The following IL17C variants were observed in gnomAD, a reference collection of about 807,000 sequenced individuals.
IL17C encodes interleukin 17C.
IL17C carries 13 observed loss-of-function variants against 11.0 expected under a neutral mutation model. The ratio of observed to expected loss-of-function variants is 1.18; its 90% CI spans 0.77 to 1.88. The LOEUF is 1.88. IL17C is among the 40% of genes most tolerant of loss of function. IL17C has a pLI of 0.00. For missense variants in IL17C, 357 were observed against 278.2 expected (o/e 1.28, Z -2.01); for synonymous variants, 150 against 125.8 (o/e 1.19, Z -1.29).
Position 88,639,691 on chromosome 16 carries a change from G to A in IL17C, c.336-123G>A, listed in dbSNP as rs553310093. On this transcript the variant is annotated intron_variant, in intron 2 of 2. Coordinates refer to ENST00000244241, the MANE Select transcript of IL17C (RefSeq NM_013278.4). This position sits in a 1 kb window ranked among gnomAD's most constrained non-coding sequence, Gnocchi z 5.1. ...GTGAGCCCGACTGCACCCCAAGCCC[G>A]TGTGGCTCAGCCCTCGCTGCCTCAG... 7.4e-5 allele frequency: 90 copies of A among 1,220,020 alleles called. No individual in the cohort carries two copies. The highest frequency in any genetic ancestry group is 6.9e-4 in the South Asian group (43 of 62,094). The allele number at this position is 1,220,020 out of a possible 1,614,324, so 75.6% of individuals were successfully genotyped here. A position where few individuals can be genotyped will look rare whatever the true frequency, so the allele number is the denominator to read the frequency against.
In IL17C at chr16:88,640,119, A is replaced by G. The variant is rs1214253465; in HGVS notation, c.*47A>G. 3 of 1,506,274 alleles carry G rather than the reference A, an allele frequency of 2.0e-6. No individual in the cohort carries two copies. The highest frequency in any genetic ancestry group is 2.7e-6 in the Non-Finnish European group (3 of 1,128,172). The allele number at this position is 1,506,274 out of a possible 1,614,324, so 93.3% of individuals were successfully genotyped here. On this transcript the variant is annotated 3_prime_UTR_variant, in exon 3 of 3. Transcript: ENST00000244241. ...TAGACTGGACACGTGTGCTCCCCAG[A>G]GGGCACCCCCTATTTATGTGTATTT...
At chr16:88,638,761 C>T (rs1311440067) in intron 1 of IL17C, 114 bp downstream of exon 1, 15 of 1,525,608 alleles carry the variant, frequency 9.8e-6, no homozygotes, top group South Asian at 2.2e-5. Context: ...GTCTGGGAAA[C>T]CCCTCAGTCT....
Position 88,639,148 on chromosome 16 carries a change from G to T in IL17C, c.174G>T (p.Trp58Cys). 1 of 1,612,936 alleles carries T rather than the reference G, an allele frequency of 6.2e-7. No homozygotes were observed. The highest frequency in any genetic ancestry group is 2.2e-5 in the East Asian group (1 of 44,884). The change falls in exon 2 of 3, where the codon TGG (tryptophan) becomes TGT (cysteine). Residue 58 changes from tryptophan (W) to cysteine (C), a missense_variant. Trp to Cys is a radical substitution (Grantham distance 215). Transcript: ENST00000244241. The surrounding 1 kb of genome is among the most constrained non-coding windows in gnomAD (Gnocchi z 5.1). ...PPHLLARGAK[W>C]GQALPVALVS... ...ACCTGCTGGCTCGAGGTGCCAAGTGGGGGCAGGCTTTGCCTGTAGCCCTGG... is the reference window on the plus strand; with the variant it reads ...ACCTGCTGGCTCGAGGTGCCAAGTGTGGGCAGGCTTTGCCTGTAGCCCTGG...
In IL17C at chr16:88,640,040, G is replaced by A. The variant is rs758737404; in HGVS notation, c.562G>A (p.Gly188Ser). Residue 188 changes from glycine (G) to serine (S), a missense_variant, in exon 3 of 3, where the codon GGC (glycine) becomes AGC (serine). Physicochemically the swap from Gly to Ser is moderately conservative, Grantham distance 56. Coordinates refer to ENST00000244241, the MANE Select transcript of IL17C (RefSeq NM_013278.4). ...CACCGAGTTCATCCACGTCCCCGTC[G>A]GCTGCACCTGCGTGCTGCCCCGTTC... ...FHTEFIHVPV[G>S]CTCVLPRSV 1.5e-5 allele frequency: 24 copies of A among 1,587,710 alleles called. No homozygotes were observed. The highest frequency in any genetic ancestry group is 1.2e-4 in the Admixed American group (7 of 58,436).
rs759542412 is a variant in IL17C, at chr16:88,639,897, GC to G, written c.421del (p.Arg141AlafsTer116). 1 of 1,609,198 alleles carries G rather than the reference GC, an allele frequency of 6.2e-7. No homozygotes were observed. Among genetic ancestry groups the G allele is most frequent in the Non-Finnish European group, 8.5e-7 (1 of 1,179,038 alleles). On this transcript the variant is annotated frameshift_variant, in exon 3 of 3. Transcript: ENST00000244241. This position sits in a 1 kb window ranked among gnomAD's most constrained non-coding sequence, Gnocchi z 5.1. ...LCRGCIDART[G>X]RETAALNSVR... Reference sequence around the variant, plus strand: ...AGAGGCTGTATCGATGCACGGACGGGCCGCGAGACAGCTGCGCTCAACTCCG... The same window carrying G: ...AGAGGCTGTATCGATGCACGGACGGGCGCGAGACAGCTGCGCTCAACTCCG...
Position 88,639,046 on chromosome 16 carries a change from CA to C in IL17C, c.73del (p.Arg25GlyfsTer40). On this transcript the variant is annotated frameshift_variant, in exon 2 of 3. Coordinates refer to ENST00000244241, the MANE Select transcript of IL17C (RefSeq NM_013278.4). The surrounding 1 kb of genome is among the most constrained non-coding windows in gnomAD (Gnocchi z 5.1). ...TCLAHHDPSL[R>X]GHPHSHGTPH... ...GCCTGGCCCACCATGACCCCTCCCT[CA>C]GGGGGCACCCCCACAGTCACGGTAC... is the stretch of plus-strand genomic sequence containing the variant. The C allele has an allele frequency of 6.2e-7, 1 of 1,610,036 alleles. No homozygotes were observed. The highest frequency in any genetic ancestry group is 8.5e-7 in the Non-Finnish European group (1 of 1,177,798).
chr16:88,640,129 C>T lies in IL17C; in HGVS notation c.*57C>T, dbSNP rs1907020280. On this transcript the variant is annotated 3_prime_UTR_variant, in exon 3 of 3. Coordinates refer to ENST00000244241, the MANE Select transcript of IL17C (RefSeq NM_013278.4). ...ACGTGTGCTCCCCAGAGGGCACCCC[C>T]TATTTATGTGTATTTATTGTTATTT... The T allele has an allele frequency of 6.7e-7, 1 of 1,494,852 alleles. No homozygotes were observed. Among genetic ancestry groups the T allele is most frequent in the Non-Finnish European group, 8.9e-7 (1 of 1,120,788 alleles). 92.6% of individuals were successfully genotyped at this position (1,494,852 alleles called of 1,614,324 possible).
chr16:88,639,232 C>A lies in IL17C; in HGVS notation c.258C>A (p.Thr86=), dbSNP rs754106245. ...GGCACGAGAGGCCCTCAGCTACGAC[C>A]CAGTGCCCGGTGCTGCGGCCGGAGG... is the stretch of plus-strand genomic sequence containing the variant. The part of the protein sequence containing the change: ...RGRHERPSAT[T]QCPVLRPEEV... The change falls in exon 2 of 3, where the codon ACC becomes ACA. Residue 86 remains threonine (T), a synonymous_variant. Transcript: ENST00000244241. The surrounding 1 kb of genome is among the most constrained non-coding windows in gnomAD (Gnocchi z 5.1). 6.2e-7 allele frequency: 1 copy of A among 1,612,568 alleles called. No individual in the cohort carries two copies. Among genetic ancestry groups the A allele is most frequent in the Non-Finnish European group, 8.5e-7 (1 of 1,179,782 alleles).
At chr16:88,638,814 G>A in intron 1 of IL17C, 167 bp downstream of exon 1, 1 of 1,231,222 alleles carries the variant, frequency 8.1e-7, no homozygotes, top group Non-Finnish European at 1.2e-6. Flanking sequence ...GCGCTGGCAT[G>A]CTGGGTGTCT....
In IL17C at chr16:88,638,632, T is replaced by C. The variant is rs760769153; in HGVS notation, c.-10T>C. On this transcript the variant is annotated 5_prime_UTR_variant, in exon 1 of 3. Coordinates refer to ENST00000244241, the MANE Select transcript of IL17C (RefSeq NM_013278.4). ...CCGCTCCAAGCCCAGCCTGCCCCGC[T>C]GCCGCCACCATGACGGTGAGCCTCT... 1 of 1,612,678 alleles carries C rather than the reference T, an allele frequency of 6.2e-7. No homozygotes were observed. The highest frequency in any genetic ancestry group is 8.5e-7 in the Non-Finnish European group (1 of 1,180,006).
chr16:88,639,677 T>C lies in IL17C; in HGVS notation c.336-137T>C. On this transcript the variant is annotated intron_variant, in intron 2 of 2. Transcript: ENST00000244241. The surrounding 1 kb of genome is among the most constrained non-coding windows in gnomAD (Gnocchi z 5.1). ...GATTACCACCACATGTGAGCCCGAC[T>C]GCACCCCAAGCCCGTGTGGCTCAGC... 5.6e-6 allele frequency: 6 copies of C among 1,067,728 alleles called. No individual in the cohort carries two copies. The highest frequency in any genetic ancestry group is 3.1e-5 in the Admixed American group (1 of 32,406). 66.1% of individuals were successfully genotyped at this position (1,067,728 alleles called of 1,614,324 possible). A position where few individuals can be genotyped will look rare whatever the true frequency, so the allele number is the denominator to read the frequency against.
Position 88,639,114 on chromosome 16 carries a change from C to A in IL17C, c.140C>A (p.Ala47Asp), listed in dbSNP as rs750700942. The A allele has an allele frequency of 2.5e-6, 4 of 1,612,692 alleles. No homozygotes were observed. The Middle Eastern group carries it at 6.6e-4, about 266-fold the overall frequency. ...YSAEELPLGQ[A>D]PPHLLARGAK... is the part of the protein sequence containing the mutation. ...GCTGAGGAACTGCCCCTCGGCCAGG[C>A]CCCCCCACACCTGCTGGCTCGAGGT... is the stretch of plus-strand genomic sequence containing the variant. Residue 47 changes from alanine (A) to aspartate (D), a missense_variant, in exon 2 of 3, where the codon GCC becomes GAC. By Grantham distance (126) the Ala-to-Asp change is moderately radical. Coordinates refer to ENST00000244241, the MANE Select transcript of IL17C (RefSeq NM_013278.4). The surrounding 1 kb of genome is among the most constrained non-coding windows in gnomAD (Gnocchi z 5.1).
At position 88,640,067 on chromosome 16, in the gene IL17C, G is replaced by C; in HGVS notation, c.589G>C (p.Val197Leu). The change falls in exon 3 of 3, where the codon GTG (valine) becomes CTG (leucine). Residue 197 changes from valine (V) to leucine (L), a missense_variant. Coordinates refer to ENST00000244241, the MANE Select transcript of IL17C (RefSeq NM_013278.4). ...VGCTCVLPRS[V>L] ...CTGCACCTGCGTGCTGCCCCGTTCA[G>C]TGTGACCGCCGAGGCCGTGGGGCCC... The C allele has an allele frequency of 6.4e-7, 1 of 1,550,562 alleles. No individual in the cohort carries two copies. The highest frequency in any genetic ancestry group is 8.7e-7 in the Non-Finnish European group (1 of 1,146,028).
In IL17C at chr16:88,639,324, A is replaced by G. The variant is rs759753146; in HGVS notation, c.335+15A>G. 1.9e-6 allele frequency: 3 copies of G among 1,563,186 alleles called. No homozygotes were observed. The highest frequency in any genetic ancestry group is 2.6e-6 in the Non-Finnish European group (3 of 1,154,502). On this transcript the variant is annotated intron_variant, in intron 2 of 2. Coordinates refer to ENST00000244241, the MANE Select transcript of IL17C (RefSeq NM_013278.4). This position sits in a 1 kb window ranked among gnomAD's most constrained non-coding sequence, Gnocchi z 5.1. Reference sequence around the variant, plus strand: ...TGGAGATACCGGTGAGGACCTGGGGATTCCGCTGTGGCGTGGGGCTGCCCC... The same window carrying G: ...TGGAGATACCGGTGAGGACCTGGGGGTTCCGCTGTGGCGTGGGGCTGCCCC...
intron 1 of IL17C, 146 bp downstream of exon 1, chr16:88,638,793 A>G: frequency 7.6e-7 from 1 of 1,312,166 alleles, no homozygotes; most frequent in Non-Finnish European, 1.1e-6. Flanking sequence ...AGGCAGCTGC[A>G]GATCCTCGGA....
At position 88,640,212 on chromosome 16, in the gene IL17C, GC is replaced by G; in HGVS notation, c.*146del. On this transcript the variant is annotated 3_prime_UTR_variant, in exon 3 of 3. Coordinates refer to ENST00000244241, the MANE Select transcript of IL17C (RefSeq NM_013278.4). ...GGGCATTCCCCGTGTCTGGAGGACA[GC>G]CCCCCACTGTTCTCCTCATCTCCAG... is the stretch of plus-strand genomic sequence containing the variant. The G allele has an allele frequency of 2.1e-6, 2 of 931,780 alleles. No homozygotes were observed. The highest frequency in any genetic ancestry group is 3.1e-6 in the Non-Finnish European group (2 of 643,818). The allele number at this position is 931,780 out of a possible 1,614,324, so 57.7% of individuals were successfully genotyped here. A position where few individuals can be genotyped will look rare whatever the true frequency, so the allele number is the denominator to read the frequency against.
rs941796553 is a variant in IL17C at position 88,639,821 on chromosome 16, A to T, written c.343A>T (p.Thr115Ser). ...SISPWRYRVD[T>S]DEDRYPQKLA... The stretch of plus-strand genomic sequence containing the variant: ...GTGCACCCCGTCCCGCAGTGTGGAC[A>T]CGGATGAGGACCGCTATCCACAGAA... Residue 115 changes from threonine (T) to serine (S), a missense_variant, in exon 3 of 3, where the codon ACG becomes TCG. Physicochemically the swap from Thr to Ser is moderately conservative, Grantham distance 58. Coordinates refer to ENST00000244241, the MANE Select transcript of IL17C (RefSeq NM_013278.4). The surrounding 1 kb of genome is among the most constrained non-coding windows in gnomAD (Gnocchi z 5.1). 2 of 1,562,942 alleles carry T rather than the reference A, an allele frequency of 1.3e-6. No homozygotes were observed. Among genetic ancestry groups the T allele is most frequent in the Non-Finnish European group, 1.7e-6 (2 of 1,154,058 alleles).
rs763144818 is a variant in IL17C at position 88,639,809 on chromosome 16, C to G, written c.336-5C>G. 6.5e-7 allele frequency: 1 copy of G among 1,546,228 alleles called. No homozygotes were observed. Among genetic ancestry groups the G allele is most frequent in the African/African-American group, 1.4e-5 (1 of 73,678 alleles). On this transcript the variant is annotated splice_region_variant and splice_polypyrimidine_tract_variant and intron_variant, in intron 2 of 2. Transcript: ENST00000244241. The surrounding 1 kb of genome is among the most constrained non-coding windows in gnomAD (Gnocchi z 5.1). ...CAGAGACTCACTGTGCACCCCGTCCCGCAGTGTGGACACGGATGAGGACCG... is the reference window on the plus strand; with the variant it reads ...CAGAGACTCACTGTGCACCCCGTCCGGCAGTGTGGACACGGATGAGGACCG...
chr16:88,638,880 C>A, intron 1 of IL17C, 101 bp from the exon 2 acceptor site: 1 of 1,230,236 alleles, frequency 8.1e-7, no homozygotes, highest in South Asian at 1.4e-5. Flanking sequence ...AGAGGGAGGG[C>A]TGTACTCCAT....
Sources: allele counts gnomAD v4.1 joint callset, GRCh38; gene constraint gnomAD v4.1.1; non-coding constraint Gnocchi (gnomAD v3.1); transcripts MANE v1.5; gene names NCBI Gene and HGNC (gene_info 2026-07-23, HGNC 2026-07-21).